ATE1: variants seen among roughly 807,000 people sequenced by gnomAD.
ATE1 encodes the protein arginyltransferase 1.
A neutral mutation model predicts 70.5 loss-of-function variants in ATE1; 36 were observed. The observed-to-expected ratio is 0.51, with a 90% CI of 0.39 to 0.67. The LOEUF (loss-of-function observed/expected upper bound fraction) is 0.67, where lower values mean the gene tolerates loss of function less well. ATE1 is among the 30% of genes least tolerant of loss of function. The probability of loss-of-function intolerance (pLI) is 0.00; values close to 1 mark genes in which losing one functional copy is unlikely to be tolerated. For synonymous variants in ATE1, 232 were observed against 219.3 expected, an observed-to-expected ratio of 1.06 and a Z score of -0.51; for missense variants, 593 against 629.5, an observed-to-expected ratio of 0.94 and a Z score of 0.62.
In ATE1 at chr10:121,924,318, G is replaced by A. The variant is rs1197665162; in HGVS notation, c.118C>T (p.His40Tyr). 4 of 1,613,872 alleles carry A rather than the reference G, an allele frequency of 2.5e-6. No homozygotes were observed. Among genetic ancestry groups the A allele is most frequent in the Non-Finnish European group, 3.4e-6 (4 of 1,179,908 alleles). The change falls in exon 2 of 12, where the codon CAT becomes TAT. Residue 40 changes from histidine to tyrosine, a missense_variant. By Grantham distance (83) the His-to-Tyr change is moderately conservative. Coordinates refer to ENST00000224652, the MANE Select transcript of ATE1 (RefSeq NM_001001976.3). ...SGSRSNGMWA[H>Y]SMTVQDYQDL... ...TGATAATCCTGTACTGTCATGGAAT[G>A]TGCCCACATGCCTGAAAAAATAAGT...
intron 7 of ATE1, among the ~76,000 whole-genome samples, chr10:121,893,185 G>A (rs1291718154): frequency 6.6e-6 from 1 of 151,100 alleles, no homozygotes; most frequent in Non-Finnish European, 1.5e-5. Flanking sequence ...GCTAAGGCAG[G>A]AGAATTGCTT....
chr10:121,758,514 G>A (rs896332601), intron 11 of ATE1, among the ~76,000 whole-genome samples: 3 of 152,140 alleles, frequency 2.0e-5, no homozygotes, highest in Non-Finnish European at 4.4e-5. Context: ...TTAATCTTAG[G>A]GGCAAATACA....
chr10:121,924,011 T>G (rs1272063521), intron 2 of ATE1, among the ~76,000 whole-genome samples: 2 of 152,210 alleles, frequency 1.3e-5, no homozygotes, highest in African/African-American at 4.8e-5. Flanking sequence ...CAAACATGAT[T>G]GGCAGAACGT....
At chr10:121,853,380 A>C (rs1949129047) in intron 8 of ATE1, among the ~76,000 whole-genome samples, 1 of 151,690 alleles carries the variant, frequency 6.6e-6, no homozygotes, top group Non-Finnish European at 1.5e-5. Flanking sequence ...AAAAAAAAAA[A>C]ACTAAATTGA....
At chr10:121,755,172 T>C (rs1304936852) in intron 11 of ATE1, among the ~76,000 whole-genome samples, 2 of 152,160 alleles carry the variant, frequency 1.3e-5, no homozygotes, top group Non-Finnish European at 2.9e-5. Flanking sequence ...TGCATTTTTG[T>C]GCTATAAAGG....
At chr10:121,909,342 T>A (rs1246624588) in intron 5 of ATE1, among the ~76,000 whole-genome samples, 4 of 152,178 alleles carry the variant, frequency 2.6e-5, no homozygotes, top group Non-Finnish European at 4.4e-5. Flanking sequence ...ATTATCTGGA[T>A]CCTAACACAA....
intron 7 of ATE1, among the ~76,000 whole-genome samples, chr10:121,888,789 T>C (rs928569902): frequency 3.3e-5 from 5 of 152,170 alleles, no homozygotes; most frequent in African/African-American, 1.2e-4. Context: ...TAAAACACTA[T>C]ACAGCGATGA....
chr10:121,850,215 A>T (rs1427207520), intron 8 of ATE1, among the ~76,000 whole-genome samples: 1 of 152,264 alleles, frequency 6.6e-6, no homozygotes, highest in African/African-American at 2.4e-5. Context: ...CCTAACACAG[A>T]GAAGCTCGAA....
Position 121,791,034 on chromosome 10 carries a change from A to G in ATE1, c.1258-745T>C, listed in dbSNP as rs998575004. Among the ~76,000 whole-genome samples, 26 of 149,518 alleles carry G rather than the reference A, an allele frequency of 1.7e-4. 1 individual carries two copies. The highest frequency in any genetic ancestry group is 2.5e-4 in the African/African-American group (10 of 40,526). On this transcript the variant is annotated intron_variant, in intron 10 of 11. Coordinates refer to ENST00000224652, the MANE Select transcript of ATE1 (RefSeq NM_001001976.3). The stretch of plus-strand genomic sequence containing the variant: ...TGTATACATGTGTGTATATATGTAT[A>G]TATGTGTATATATATGTATACGTGT...
At chr10:121,759,333 T>C (rs1281458984) in intron 11 of ATE1, among the ~76,000 whole-genome samples, 1 of 152,272 alleles carries the variant, frequency 6.6e-6, no homozygotes, top group Non-Finnish European at 1.5e-5. Context: ...TTCAATTCTC[T>C]AAAGGCTGAG....
intron 11 of ATE1, among the ~76,000 whole-genome samples, chr10:121,775,964 A>G (rs1461742465): frequency 6.6e-6 from 1 of 152,102 alleles, no homozygotes; most frequent in Non-Finnish European, 1.5e-5. Flanking sequence ...CTTCTAGTTC[A>G]TTTTTTCTCA....
chr10:121,873,485 C>T (rs1419937885), intron 7 of ATE1, among the ~76,000 whole-genome samples: 2 of 152,100 alleles, frequency 1.3e-5, no homozygotes, highest in East Asian at 1.9e-4. Flanking sequence ...TTCTCATTCC[C>T]GCCAAAGAAG....
chr10:121,779,068 A>G (rs889958763), intron 11 of ATE1, among the ~76,000 whole-genome samples: 2 of 152,134 alleles, frequency 1.3e-5, no homozygotes, highest in Non-Finnish European at 2.9e-5. Flanking sequence ...ACCATTTCCT[A>G]TCCTTCCAGC....
At chr10:121,885,285 A>T (rs1950350832) in intron 7 of ATE1, among the ~76,000 whole-genome samples, 1 of 135,464 alleles carries the variant, frequency 7.4e-6, no homozygotes, top group Non-Finnish European at 1.5e-5. Context: ...AAAAAAAAAA[A>T]GAGGCCGGGC....
chr10:121,806,768 A>G (rs1947114778), intron 10 of ATE1, among the ~76,000 whole-genome samples: 1 of 152,246 alleles, frequency 6.6e-6, no homozygotes, highest in South Asian at 2.1e-4. Context: ...AGTATGCAAC[A>G]CATACAAAGA....
At chr10:121,858,148 T>C (rs1331540809) in intron 8 of ATE1, among the ~76,000 whole-genome samples, 1 of 152,220 alleles carries the variant, frequency 6.6e-6, no homozygotes, top group Non-Finnish European at 1.5e-5. Context: ...CTCTGAACAC[T>C]GCTATATTGT....
intron 11 of ATE1, among the ~76,000 whole-genome samples, chr10:121,782,946 T>C (rs1039890407): frequency 6.6e-6 from 1 of 152,192 alleles, no homozygotes; most frequent in Non-Finnish European, 1.5e-5. Flanking sequence ...CTCCTCAGCC[T>C]GCAGACGGCC....
chr10:121,870,131 C>T, intron 7 of ATE1, 93 bp from the exon 8 acceptor site: 2 of 1,214,984 alleles, frequency 1.6e-6, no homozygotes, highest in Non-Finnish European at 2.4e-6. Context: ...TACAATTTTC[C>T]AGTAAATCCA....
At chr10:121,759,022 G>C (rs1326811451) in intron 11 of ATE1, among the ~76,000 whole-genome samples, 1 of 151,982 alleles carries the variant, frequency 6.6e-6, no homozygotes, top group Non-Finnish European at 1.5e-5. Flanking sequence ...ACCCTAAAAG[G>C]CCTCTAAGTG....
Sources: allele counts gnomAD v4.1 joint callset (sites outside exome capture counted in the v4.1 genomes callset), GRCh38; gene constraint gnomAD v4.1.1; transcripts MANE v1.5; gene names NCBI Gene and HGNC (gene_info 2026-07-23, HGNC 2026-07-21).